The following CDCA5 variants were observed in gnomAD, a reference collection of about 807,000 sequenced individuals.
CDCA5 encodes sororin.
Under a neutral mutation model 25.7 loss-of-function variants are expected in CDCA5, and 14 were observed. The observed-to-expected ratio is 0.54, with a 90% CI of 0.36 to 0.85. The LOEUF is 0.85. CDCA5 is among the 40% of genes least tolerant of loss of function. The pLI, the probability that CDCA5 is intolerant of heterozygous loss-of-function variation, is 0.01. For missense variants in CDCA5, 307 were observed against 324.5 expected, an observed-to-expected ratio of 0.95 and a Z score of 0.41; for synonymous variants, 127 against 128.7, an observed-to-expected ratio of 0.99 and a Z score of 0.09.
At chr11:65,072,412 G>A (rs963869411) in intron 1 of CDCA5, among the ~76,000 whole-genome samples, 6 of 152,228 alleles carry the variant, frequency 3.9e-5, no homozygotes, top group African/African-American at 1.4e-4. Flanking sequence ...GGCTGTGTGG[G>A]GAACTGCCCT....
At chr11:65,073,559 G>A (rs539038188), downstream of CDCA5, among the ~76,000 whole-genome samples, 7 of 152,324 alleles carry the variant, frequency 4.6e-5, no homozygotes, top group Non-Finnish European at 1.5e-5. Flanking sequence ...CAGAGGCAGG[G>A]ACCTCCAAGC....
chr11:65,064,141 G>A (rs1035750426), downstream of CDCA5, among the ~76,000 whole-genome samples: 4 of 152,122 alleles, frequency 2.6e-5, no homozygotes, highest in East Asian at 1.9e-4. Flanking sequence ...ATAATTAGCC[G>A]GGTGCAGTGG....
Position 65,078,178 on chromosome 11 carries a change from C to T in CDCA5, c.*929G>A, listed in dbSNP as rs1947484477. 1.0e-6 allele frequency: 1 copy of T among 985,456 alleles called. No individual in the cohort carries two copies. The highest frequency in any genetic ancestry group is 1.2e-6 in the Non-Finnish European group (1 of 829,948). 61.0% of individuals were successfully genotyped at this position (985,456 alleles called of 1,614,324 possible). A position where few individuals can be genotyped will look rare whatever the true frequency, so the allele number is the denominator to read the frequency against. ...TGCTAGTAGGTCTGGGACTCTTCAA[C>T]TTTCTCTTCTAGGGCCAAGTAGACT... On this transcript the variant is annotated 3_prime_UTR_variant, in exon 6 of 6. Transcript: ENST00000275517.
downstream of CDCA5, among the ~76,000 whole-genome samples, chr11:65,064,234 C>T (rs556480824): frequency 1.7e-4 from 26 of 152,076 alleles, no homozygotes; most frequent in East Asian, 4.6e-3. Flanking sequence ...CTGGCTAACA[C>T]GGTGAAACCC....
At chr11:65,076,184 T>A (rs1947441518), downstream of CDCA5, among the ~76,000 whole-genome samples, 1 of 152,222 alleles carries the variant, frequency 6.6e-6, no homozygotes, top group Admixed American at 6.5e-5. Flanking sequence ...GGCGTCACCA[T>A]GGCTCACTGT....
rs150704124 is a variant in CDCA5 at position 65,079,671 on chromosome 11, A to G, written c.360T>C (p.Pro120=). 109 of 1,601,028 alleles carry G rather than the reference A, an allele frequency of 6.8e-5. No homozygotes were observed. Among genetic ancestry groups the G allele is most frequent in the Non-Finnish European group, 8.8e-5 (103 of 1,172,550 alleles). Residue 120 remains proline (P), a synonymous_variant, in exon 5 of 6, where the codon CCT becomes CCC. Transcript: ENST00000275517. ...CTTCCTTGGAGCTGGACTCGGCCTCAGGGTTCGGCACAGGAGTGCTGGTGG... is the reference window on the plus strand; with the variant it reads ...CTTCCTTGGAGCTGGACTCGGCCTCGGGGTTCGGCACAGGAGTGCTGGTGG... The part of the protein sequence containing the change: ...ATPTSTPVPN[P]EAESSSKEGE...
Position 65,078,853 on chromosome 11 carries a change from G to A in CDCA5, c.*254C>T. On this transcript the variant is annotated 3_prime_UTR_variant, in exon 6 of 6. Coordinates refer to ENST00000275517, the MANE Select transcript of CDCA5 (RefSeq NM_080668.4). ...ATCTGGAAACTGGCTATGGTACTTT[G>A]GGGAGATAGGAAGGACAGGACGACA... 3 of 1,209,210 alleles carry A rather than the reference G, an allele frequency of 2.5e-6. No individual in the cohort carries two copies. Among genetic ancestry groups the A allele is most frequent in the Non-Finnish European group, 3.1e-6 (3 of 972,930 alleles). The allele number at this position is 1,209,210 out of a possible 1,614,324, so 74.9% of individuals were successfully genotyped here.
downstream of CDCA5, chr11:65,066,358 C>A: frequency 8.5e-7 from 1 of 1,180,430 alleles, no homozygotes. Context: ...AGCGGCCTCC[C>A]GAGGAGGTGT....
chr11:65,065,344 G>C (rs1947223026), downstream of CDCA5, among the ~76,000 whole-genome samples: 1 of 152,122 alleles, frequency 6.6e-6, no homozygotes, highest in South Asian at 2.1e-4. Flanking sequence ...CTGGAGTACA[G>C]TGGTGCCACC....
chr11:65,077,380 A>T (rs1947467646), downstream of CDCA5: 15 of 821,484 alleles, frequency 1.8e-5, no homozygotes, highest in Non-Finnish European at 2.2e-5. Flanking sequence ...GGACAACCCC[A>T]GTGATGCAGC....
In CDCA5 at chr11:65,083,666, G is replaced by C; in HGVS notation, c.104C>G (p.Ser35Cys). 2 of 1,614,224 alleles carry C rather than the reference G, an allele frequency of 1.2e-6. No individual in the cohort carries two copies. The highest frequency in any genetic ancestry group is 1.7e-6 in the Non-Finnish European group (2 of 1,180,042). Residue 35 changes from serine to cysteine, a missense_variant, in exon 2 of 6, where the codon TCT becomes TGT. Physicochemically the swap from Ser to Cys is moderately radical, Grantham distance 112. Coordinates refer to ENST00000275517, the MANE Select transcript of CDCA5 (RefSeq NM_080668.4). ...PLRRSQRKSG[S>C]ELPSILPEIW... Reference sequence around the variant, plus strand: ...TTCAGGGAGGATGCTCGGGAGTTCAGAGCCTGATTTCCGCTGGGACCTCCG... The same window carrying C: ...TTCAGGGAGGATGCTCGGGAGTTCACAGCCTGATTTCCGCTGGGACCTCCG...
At position 65,079,170 on chromosome 11, in the gene CDCA5, C is replaced by T; in HGVS notation, c.696G>A (p.Glu232=). 6 of 1,522,196 alleles carry T rather than the reference C, an allele frequency of 3.9e-6. No individual in the cohort carries two copies. Among genetic ancestry groups the T allele is most frequent in the Non-Finnish European group, 5.3e-6 (6 of 1,135,934 alleles). The allele number at this position is 1,522,196 out of a possible 1,614,324, so 94.3% of individuals were successfully genotyped here. A position where few individuals can be genotyped will look rare whatever the true frequency, so the allele number is the denominator to read the frequency against. The change falls in exon 6 of 6, where the codon GAG becomes GAA. Residue 232 remains glutamate (E), a synonymous_variant. Transcript: ENST00000275517. ...MPEILKTELD[E]WAAAMNAEFE... ...ACTCGGCATTCATGGCCGCAGCCCA[C>T]TCATCCAGCTCCGTTTTCTGAGGGA...
intron 2 of CDCA5, chr11:65,068,127 A>G: frequency 7.8e-7 from 1 of 1,287,398 alleles, no homozygotes; most frequent in Non-Finnish European, 1.0e-6. Context: ...GGCTTTGCAG[A>G]GAAAGCGCCA....
chr11:65,075,638 GT>G (rs1947430443), downstream of CDCA5, among the ~76,000 whole-genome samples: 1 of 152,190 alleles, frequency 6.6e-6, no homozygotes, highest in Non-Finnish European at 1.5e-5. Context: ...GTGTGACTGT[GT>G]CAGCTGGTGG....
Position 65,077,670 on chromosome 11 carries a change from C to G in CDCA5, c.*1437G>C, listed in dbSNP as rs1947473227. 1.0e-6 allele frequency: 1 copy of G among 985,376 alleles called. No homozygotes were observed. The highest frequency in any genetic ancestry group is 1.2e-6 in the Non-Finnish European group (1 of 829,982). The allele number at this position is 985,376 out of a possible 1,614,324, so 61.0% of individuals were successfully genotyped here. A position where few individuals can be genotyped will look rare whatever the true frequency, so the allele number is the denominator to read the frequency against. On this transcript the variant is annotated 3_prime_UTR_variant, in exon 6 of 6. Transcript: ENST00000275517. ...AAGAGTTCTTCAGTGCGGTTCAGCT[C>G]AAGGACACCTAGGCTTCCCCAGCAG...
In CDCA5 at chr11:65,078,343, C is replaced by T; in HGVS notation, c.*764G>A. ...GGCCATGAGCCACAGAAACTCACAG[C>T]ACCTGGTGGCCACACCCTGAAATGC... On this transcript the variant is annotated 3_prime_UTR_variant, in exon 6 of 6. Coordinates refer to ENST00000275517, the MANE Select transcript of CDCA5 (RefSeq NM_080668.4). The T allele has an allele frequency of 2.0e-6, 2 of 985,674 alleles. No individual in the cohort carries two copies. Among genetic ancestry groups the T allele is most frequent in the Non-Finnish European group, 2.4e-6 (2 of 830,012 alleles). The allele number at this position is 985,674 out of a possible 1,614,324, so 61.1% of individuals were successfully genotyped here.
At chr11:65,074,303 C>T (rs1348152986), downstream of CDCA5, among the ~76,000 whole-genome samples, 1 of 152,132 alleles carries the variant, frequency 6.6e-6, no homozygotes, top group Admixed American at 6.5e-5. Flanking sequence ...GAACTCCTGA[C>T]CTCAAGTGAC....
At position 65,079,080 on chromosome 11, in the gene CDCA5, C is replaced by G. The variant is rs774134289; in HGVS notation, c.*27G>C. On this transcript the variant is annotated 3_prime_UTR_variant, in exon 6 of 6. Coordinates refer to ENST00000275517, the MANE Select transcript of CDCA5 (RefSeq NM_080668.4). ...CTATGTACAGGACAGGAGGGAGAGT[C>G]TGGCCAGGTGCACCCCCCACTGCAT... 3 of 1,509,612 alleles carry G rather than the reference C, an allele frequency of 2.0e-6. No individual in the cohort carries two copies. The East Asian group carries it at 6.8e-5, about 34-fold the overall frequency. The allele number at this position is 1,509,612 out of a possible 1,614,324, so 93.5% of individuals were successfully genotyped here.
chr11:65,082,867 T>C (rs1590801732), intron 4 of CDCA5, among the ~76,000 whole-genome samples: 1 of 152,048 alleles, frequency 6.6e-6, no homozygotes, highest in East Asian at 1.9e-4. Flanking sequence ...GTATTCCTTA[T>C]TGCAGTCCCA....
Sources: allele counts gnomAD v4.1 joint callset (sites outside exome capture counted in the v4.1 genomes callset), GRCh38; gene constraint gnomAD v4.1.1; transcripts MANE v1.5; gene names NCBI Gene and HGNC (gene_info 2026-07-23, HGNC 2026-07-21).